Variants in CDH23 observed in about 807,000 individuals in gnomAD.
The protein encoded by CDH23 is cadherin-23.
Under a neutral mutation model 317.1 loss-of-function variants are expected in CDH23, and 189 were observed. The observed-to-expected ratio is 0.60, with a 90% confidence interval of 0.53 to 0.67. The LOEUF is 0.67. Ranked by LOEUF, CDH23 falls within the 30% of genes least tolerant of loss-of-function variation. The probability of loss-of-function intolerance (pLI) is 0.00; values close to 1 mark genes in which losing one functional copy is unlikely to be tolerated. For synonymous variants in CDH23, 1,839 were observed against 1,876.8 expected, an observed-to-expected ratio of 0.98 and a Z score of 0.52; for missense variants, 4,401 against 4,592.4, an observed-to-expected ratio of 0.96 and a Z score of 1.20.
chr10:71,690,021 G>C (rs1203670698), intron 19 of CDH23, among the ~76,000 whole-genome samples: 1 of 152,180 alleles, frequency 6.6e-6, no homozygotes, highest in African/African-American at 2.4e-5. Context: ...ACATTAAAGA[G>C]AAAATAAAAA....
At chr10:71,400,159 C>T (rs1029904544) in intron 1 of CDH23, among the ~76,000 whole-genome samples, 19 of 152,240 alleles carry the variant, frequency 1.2e-4, no homozygotes, top group African/African-American at 3.6e-4. Flanking sequence ...GGGATGATGC[C>T]GAGGCATGGT....
chr10:71,554,132 C>T (rs530865689), intron 6 of CDH23, among the ~76,000 whole-genome samples: 1 of 152,338 alleles, frequency 6.6e-6, no homozygotes, highest in South Asian at 2.1e-4. Context: ...ACACTTTACA[C>T]GCTTTGTCTC....
intron 3 of CDH23, among the ~76,000 whole-genome samples, chr10:71,479,155 G>A (rs935978280): frequency 6.6e-6 from 1 of 151,998 alleles, no homozygotes; most frequent in African/African-American, 2.4e-5. Flanking sequence ...GGCTCACACA[G>A]CAGGTAATTA....
intron 6 of CDH23, among the ~76,000 whole-genome samples, chr10:71,538,329 T>C (rs991004538): frequency 2.0e-5 from 3 of 152,186 alleles, no homozygotes; most frequent in African/African-American, 7.2e-5. Flanking sequence ...CCTGGCAGTT[T>C]CTTGGCTTAT....
chr10:71,458,167 C>G (rs1850792232), intron 3 of CDH23, among the ~76,000 whole-genome samples: 1 of 152,258 alleles, frequency 6.6e-6, no homozygotes, highest in African/African-American at 2.4e-5. Flanking sequence ...TTACACCCCT[C>G]AGGGGACCTG....
chr10:71,784,859 T>A lies in CDH23; in HGVS notation c.5503-32T>A, dbSNP rs779513728. ...CATGCACAACATCTGTCGCTCTTCC[T>A]CCCCTCCCTCCTCCTTCTCTGACTG... is the stretch of plus-strand genomic sequence containing the variant. On this transcript the variant is annotated intron_variant, in intron 42 of 69. Transcript: ENST00000224721. The A allele has an allele frequency of 6.9e-6, 11 of 1,584,720 alleles. No individual in the cohort carries two copies. In the Admixed American group the frequency reaches 1.8e-4, roughly 26 times the overall value.
intron 28 of CDH23, among the ~76,000 whole-genome samples, chr10:71,721,617 G>A (rs1186700365): frequency 6.6e-6 from 1 of 152,158 alleles, no homozygotes; most frequent in East Asian, 1.9e-4. Context: ...TTGCTCCAGT[G>A]TACTCGTCCT....
intron 14 of CDH23, among the ~76,000 whole-genome samples, chr10:71,670,202 A>G (rs1469740496): frequency 6.6e-6 from 1 of 152,184 alleles, no homozygotes; most frequent in East Asian, 1.9e-4. Context: ...GCCTCGCCCC[A>G]TGCAATCCAG....
rs200445963 is a variant in CDH23, at chr10:71,723,406, T to TC, written c.3370-631dup. On this transcript the variant is annotated intron_variant, in intron 28 of 69. Transcript: ENST00000224721. Reference sequence around the variant, plus strand: ...GCAGTGTCTCAGAGTGACAACAACGTCCCCCCCCACACACAAGCCCACCAG... The same window carrying TC: ...GCAGTGTCTCAGAGTGACAACAACGTCCCCCCCCCACACACAAGCCCACCAG... 3.2e-3 allele frequency among the ~76,000 whole-genome samples: 486 copies of TC among 150,910 alleles called. 3 individuals carry two copies. Among genetic ancestry groups the TC allele is most frequent in the South Asian group, 0.019 (90 of 4,762 alleles).
intron 9 of CDH23, among the ~76,000 whole-genome samples, chr10:71,604,208 G>A (rs947375633): frequency 1.3e-5 from 2 of 152,196 alleles, no homozygotes; most frequent in Non-Finnish European, 2.9e-5. Flanking sequence ...CTTGAGCCCA[G>A]GAGTTTGAGG....
Position 71,811,391 on chromosome 10 carries a change from C to A in CDH23, c.9154C>A (p.Pro3052Thr). Residue 3052 changes from proline to threonine, a missense_variant, in exon 63 of 70, where the codon CCT becomes ACT. Transcript: ENST00000224721. Reference protein sequence around the residue: ...FRNYNVLDVQPAISVRLPDDM... With the variant: ...FRNYNVLDVQTAISVRLPDDM... The stretch of plus-strand genomic sequence containing the variant: ...GAACTACAACGTCCTGGACGTGCAG[C>A]CTGCCATCTCTGTCCGGCTGCCGGA... The A allele has an allele frequency of 1.2e-6, 2 of 1,613,936 alleles. No individual in the cohort carries two copies. The highest frequency in any genetic ancestry group is 1.3e-5 in the African/African-American group (1 of 75,028).
intron 3 of CDH23, among the ~76,000 whole-genome samples, chr10:71,474,333 T>C (rs186125570): frequency 1.3e-5 from 2 of 152,224 alleles, no homozygotes; most frequent in Admixed American, 6.5e-5. Context: ...TTCCTTTTTA[T>C]TAGGGTACCA....
At chr10:71,715,935 A>G (rs976451890) in intron 28 of CDH23, 3 of 1,460,642 alleles carry the variant, frequency 2.1e-6, no homozygotes, top group Non-Finnish European at 2.7e-6. Flanking sequence ...TGGACACCCC[A>G]TTACATCTTG....
At chr10:71,758,841 A>G (rs561969311) in intron 38 of CDH23, among the ~76,000 whole-genome samples, 1 of 152,318 alleles carries the variant, frequency 6.6e-6, no homozygotes, top group African/African-American at 2.4e-5. Flanking sequence ...AGCCTGGGCA[A>G]CATAGCGAGA....
At chr10:71,652,441 T>C (rs1315234798) in intron 14 of CDH23, among the ~76,000 whole-genome samples, 1 of 152,188 alleles carries the variant, frequency 6.6e-6, no homozygotes, top group Admixed American at 6.5e-5. Flanking sequence ...TGCAGTGATG[T>C]GGTGTAAACA....
At chr10:71,737,350 G>C (rs988143780) in intron 34 of CDH23, among the ~76,000 whole-genome samples, 13 of 152,246 alleles carry the variant, frequency 8.5e-5, no homozygotes, top group African/African-American at 3.1e-4. Flanking sequence ...TGGAAAATCA[G>C]AGAGCTTGAA....
At chr10:71,755,153 G>A (rs1840100489) in intron 38 of CDH23, 3 of 661,704 alleles carry the variant, frequency 4.5e-6, no homozygotes, top group East Asian at 5.7e-5. Context: ...CAAAGGGGCT[G>A]GTGGGCACTT....
At chr10:71,549,339 G>A (rs552830984) in intron 6 of CDH23, among the ~76,000 whole-genome samples, 2 of 152,216 alleles carry the variant, frequency 1.3e-5, no homozygotes, top group Admixed American at 1.3e-4. Flanking sequence ...AAGACTGACC[G>A]ATTAGCCCAT....
intron 14 of CDH23, among the ~76,000 whole-genome samples, chr10:71,657,468 T>G (rs544301578): frequency 6.6e-6 from 1 of 152,328 alleles, no homozygotes; most frequent in South Asian, 2.1e-4. Flanking sequence ...TAGCATCCAT[T>G]CGACTTGATT....
Sources: allele counts gnomAD v4.1 joint callset (sites outside exome capture counted in the v4.1 genomes callset), GRCh38; gene constraint gnomAD v4.1.1; transcripts MANE v1.5; gene names NCBI Gene and HGNC (gene_info 2026-07-23, HGNC 2026-07-21).